The following CCDC73 variants were observed in gnomAD, a reference collection of about 807,000 sequenced individuals.
CCDC73 encodes coiled-coil domain containing 73.
CCDC73 carries 95 observed loss-of-function variants against 116.5 expected under a neutral mutation model. The observed-to-expected ratio is 0.82, with a 90% CI of 0.69 to 0.97. CCDC73 has a LOEUF of 0.97. Ranked by LOEUF, CCDC73 falls within the 50% of genes least tolerant of loss-of-function variation. The pLI is 0.00. For synonymous variants in CCDC73, 398 were observed against 401.3 expected (o/e 0.99, Z 0.10); for missense variants, 1,066 against 1,206.8 (o/e 0.88, Z 1.73).
At chr11:32,821,778 C>G in the CCDC73 span, among the ~76,000 whole-genome samples, 1 of 152,326 alleles carries the variant, frequency 6.6e-6, no homozygotes, top group Admixed American at 6.5e-5. Flanking sequence ...AGTTGCAATG[C>G]TCCTCCTGAT....
chr11:32,659,807 AT>A (rs1855906036), intron 9 of CCDC73, among the ~76,000 whole-genome samples: 2 of 152,116 alleles, frequency 1.3e-5, no homozygotes, highest in African/African-American at 4.8e-5. Context: ...TAGACTAGTT[AT>A]TTTCATGTCT....
At chr11:32,772,410 T>C (rs1850499564) in intron 1 of CCDC73, among the ~76,000 whole-genome samples, 1 of 152,168 alleles carries the variant, frequency 6.6e-6, no homozygotes, top group South Asian at 2.1e-4. Context: ...AAATGCAATG[T>C]GGGAACTTTA....
intron 1 of CCDC73, among the ~76,000 whole-genome samples, chr11:32,775,177 T>C (rs940848009): frequency 6.6e-6 from 1 of 152,232 alleles, no homozygotes; most frequent in Admixed American, 6.5e-5. Context: ...GTTGTCACTT[T>C]AGCCACTGTT....
intron 3 of CCDC73, among the ~76,000 whole-genome samples, chr11:32,709,336 T>C (rs1273142902): frequency 6.6e-6 from 1 of 152,208 alleles, no homozygotes; most frequent in African/African-American, 2.4e-5. Context: ...TCTTACTCTG[T>C]TGCCCAGGCT....
intron 2 of CCDC73, among the ~76,000 whole-genome samples, chr11:32,745,746 T>TTTGG (rs1850231436): frequency 1.6e-4 from 1 of 6,276 alleles, no homozygotes; most frequent in Admixed American, 1.6e-3. Flanking sequence ...TTTGTTTTGG[T>TTTGG]TTTTTTTTTT....
intron 7 of CCDC73, among the ~76,000 whole-genome samples, chr11:32,677,822 C>T (rs1386620535): frequency 6.6e-6 from 1 of 151,404 alleles, no homozygotes; most frequent in African/African-American, 2.4e-5. Flanking sequence ...CATGGTGATG[C>T]GCGCCTGTAA....
chr11:32,683,551 C>A lies in CCDC73; in HGVS notation c.414G>T (p.Lys138Asn), dbSNP rs551702167. The A allele has an allele frequency of 2.6e-6, 4 of 1,523,632 alleles. No homozygotes were observed. The highest frequency in any genetic ancestry group is 3.4e-5 in the Admixed American group (2 of 59,560). 94.4% of individuals were successfully genotyped at this position (1,523,632 alleles called of 1,614,324 possible). ...ATTTCCTTACCATTTCACTCACTTT[C>A]TTCTGTAAAGAGTATTTAGAAACCT... Reference protein sequence around the residue: ...ALQVSKYSLQKKVSEMEQKVQ... With the variant: ...ALQVSKYSLQNKVSEMEQKVQ... Residue 138 changes from lysine (K) to asparagine (N), a missense_variant, in exon 7 of 18, where the codon AAG (lysine) becomes AAT (asparagine). By Grantham distance (94) the Lys-to-Asn change is moderately conservative. Coordinates refer to ENST00000335185, the MANE Select transcript of CCDC73 (RefSeq NM_001008391.4).
the CCDC73 span, among the ~76,000 whole-genome samples, chr11:32,801,478 T>A: frequency 6.6e-6 from 1 of 151,986 alleles, no homozygotes; most frequent in Non-Finnish European, 1.5e-5. Flanking sequence ...CCGTCTCTAC[T>A]AAAAATACAG....
intron 17 of CCDC73, 93 bp from the exon 18 acceptor site, chr11:32,603,113 A>G: frequency 1.0e-6 from 1 of 989,450 alleles, no homozygotes; most frequent in East Asian, 2.4e-5. Context: ...TATGTGGTAA[A>G]ACCACCATCT....
intron 9 of CCDC73, among the ~76,000 whole-genome samples, chr11:32,656,083 T>TC (rs1292753668): frequency 1.7e-5 from 2 of 118,158 alleles, no homozygotes; most frequent in Admixed American, 7.7e-5. Context: ...TCTTTTCTTT[T>TC]CTTTTTTTTT....
chr11:32,645,291 C>CTTT (rs397689348), intron 12 of CCDC73, among the ~76,000 whole-genome samples: 31 of 121,066 alleles, frequency 2.6e-4, no homozygotes, highest in African/African-American at 4.3e-4. Context: ...TTTTCTTTTT[C>CTTT]TTTTTTTTTT....
chr11:32,731,315 C>T (rs917287668), intron 2 of CCDC73, among the ~76,000 whole-genome samples: 61 of 152,154 alleles, frequency 4.0e-4, no homozygotes, highest in African/African-American at 1.4e-3. Context: ...TTCATGGAGG[C>T]CTGCCTGCCT....
rs556117711 is a variant in CCDC73 at position 32,643,049 on chromosome 11, T to TA, written c.940-968dup. 1.7e-3 allele frequency among the ~76,000 whole-genome samples: 252 copies of TA among 148,184 alleles called. 1 individual carries two copies. The highest frequency in any genetic ancestry group is 0.011 in the East Asian group (56 of 5,108). On this transcript the variant is annotated intron_variant, in intron 12 of 17. Transcript: ENST00000335185. ...CACTGTTCTGTCATCTGCTTTTCTT[T>TA]AAAAAAAAAAGTTTTGCTTACTTTC...
At chr11:32,768,394 C>T (rs1850462598) in intron 1 of CCDC73, among the ~76,000 whole-genome samples, 1 of 152,070 alleles carries the variant, frequency 6.6e-6, no homozygotes, top group Admixed American at 6.6e-5. Flanking sequence ...ATGGGTGCAG[C>T]ACACCAGCAT....
chr11:32,756,969 G>A (rs1456784889), intron 2 of CCDC73, among the ~76,000 whole-genome samples: 1 of 152,070 alleles, frequency 6.6e-6, no homozygotes, highest in African/African-American at 2.4e-5. Flanking sequence ...CCTGCAAAAT[G>A]TCTGGTACAA....
chr11:32,811,083 A>AAG, the CCDC73 span, among the ~76,000 whole-genome samples: 1 of 148,668 alleles, frequency 6.7e-6, no homozygotes, highest in Non-Finnish European at 1.5e-5. Context: ...ACAACAAAAA[A>AAG]AAAAAACCTC....
At chr11:32,605,524 A>C (rs1299529850) in intron 17 of CCDC73, 4 of 152,186 alleles carry the variant, frequency 2.6e-5, no homozygotes, top group Non-Finnish European at 5.9e-5. Flanking sequence ...TTTGCCATCA[A>C]AGTGCTGGGT....
chr11:32,672,079 G>A (rs1214111922), intron 9 of CCDC73, among the ~76,000 whole-genome samples: 1 of 152,280 alleles, frequency 6.6e-6, no homozygotes, highest in East Asian at 1.9e-4. Context: ...GGCCAGGCAT[G>A]GTGACTCAAA....
chr11:32,607,956 A>G (rs566636937), intron 17 of CCDC73, among the ~76,000 whole-genome samples: 4 of 152,294 alleles, frequency 2.6e-5, no homozygotes, highest in African/African-American at 7.2e-5. Flanking sequence ...AAGCCATCTG[A>G]TCTCATGAGA....
Sources: allele counts gnomAD v4.1 joint callset (sites outside exome capture counted in the v4.1 genomes callset), GRCh38; gene constraint gnomAD v4.1.1; transcripts MANE v1.5; gene names NCBI Gene and HGNC (gene_info 2026-07-23, HGNC 2026-07-21).